Variants in PRKN observed in about 807,000 individuals in gnomAD.
PRKN encodes parkin RBR E3 ubiquitin protein ligase.
PRKN carries 56 observed loss-of-function variants against 59.5 expected under a neutral mutation model. The observed-to-expected ratio is 0.94, with a 90% CI of 0.76 to 1.18. The LOEUF (loss-of-function observed/expected upper bound fraction) is 1.18, where lower values mean the gene tolerates loss of function less well. PRKN is among the 50% of genes most tolerant of loss of function. PRKN has a pLI of 0.00. For missense variants in PRKN, 657 were observed against 596.4 expected (o/e 1.10, Z -1.06); for synonymous variants, 250 against 222.1 (o/e 1.13, Z -1.12).
intron 2 of PRKN, among the ~76,000 whole-genome samples, chr6:162,345,433 T>C (rs556492063): frequency 2.0e-4 from 31 of 152,182 alleles, no homozygotes; most frequent in Non-Finnish European, 4.1e-4. Context: ...TGATTGCATA[T>C]TGTGGTGACT....
chr6:161,758,283 T>C (rs1006264879), intron 7 of PRKN, among the ~76,000 whole-genome samples: 2 of 152,108 alleles, frequency 1.3e-5, no homozygotes, highest in African/African-American at 2.4e-5. Flanking sequence ...TAAAATTTCA[T>C]AGATGCTTGT....
At chr6:162,460,371 G>A (rs1791094905) in intron 1 of PRKN, among the ~76,000 whole-genome samples, 1 of 152,160 alleles carries the variant, frequency 6.6e-6, no homozygotes, top group Non-Finnish European at 1.5e-5. Context: ...GACAGTGTTT[G>A]GGGAGAAACA....
chr6:162,632,834 T>C (rs560406731), intron 1 of PRKN, among the ~76,000 whole-genome samples: 2 of 152,232 alleles, frequency 1.3e-5, no homozygotes, highest in African/African-American at 2.4e-5. Context: ...CAAATGTAAT[T>C]GGTAATTCTA....
intron 2 of PRKN, among the ~76,000 whole-genome samples, chr6:162,362,555 T>C (rs1315399979): frequency 6.6e-6 from 1 of 152,116 alleles, no homozygotes; most frequent in Admixed American, 6.6e-5. Context: ...CTACTGAAAA[T>C]TACACCTGTT....
Position 161,352,324 on chromosome 6 carries a change from CCT to C in PRKN, c.1286-2115_1286-2114del, listed in dbSNP as rs1784580750. Among the ~76,000 whole-genome samples the C allele has an allele frequency of 1.3e-5, 2 of 152,240 alleles. No homozygotes were observed. Among genetic ancestry groups the C allele is most frequent in the African/African-American group, 4.8e-5 (2 of 41,542 alleles). ...GATAACTTGCCGACATGCAAAATCT[CCT>C]GTTTTCCTAATCCTTTCTGGCTTGT... On this transcript the variant is annotated intron_variant, in intron 11 of 11. Coordinates refer to ENST00000366898, the MANE Select transcript of PRKN (RefSeq NM_004562.3). The surrounding 1 kb of genome is among the most constrained non-coding windows in gnomAD (Gnocchi z 5.8).
intron 9 of PRKN, among the ~76,000 whole-genome samples, chr6:161,492,219 A>G (rs16892622): frequency 0.025 from 3,860 of 152,306 alleles, 158 homozygotes; most frequent in African/African-American, 0.088. Flanking sequence ...TACTCTCCTC[A>G]GTAACTTTGC....
At chr6:161,676,375 T>C (rs77805519) in intron 7 of PRKN, among the ~76,000 whole-genome samples, 1,663 of 152,330 alleles carry the variant, frequency 0.011, 36 homozygotes, top group African/African-American at 0.038. Flanking sequence ...AGCCCAGCCA[T>C]TTCCTAGCCA....
chr6:161,381,438 A>G (rs1785980885), intron 10 of PRKN, among the ~76,000 whole-genome samples: 1 of 152,218 alleles, frequency 6.6e-6, no homozygotes, highest in Non-Finnish European at 1.5e-5. Flanking sequence ...AACTTGAGAT[A>G]AGCCTCAGAA....
At chr6:162,203,941 A>G (rs767063003) in intron 3 of PRKN, among the ~76,000 whole-genome samples, 15 of 152,132 alleles carry the variant, frequency 9.9e-5, no homozygotes, top group Non-Finnish European at 2.1e-4. Context: ...CACATCCTTC[A>G]TTGTAATTCA....
At chr6:162,393,731 T>C (rs1787337945) in intron 2 of PRKN, among the ~76,000 whole-genome samples, 1 of 152,234 alleles carries the variant, frequency 6.6e-6, no homozygotes, top group Non-Finnish European at 1.5e-5. Flanking sequence ...TATTTTTGGA[T>C]ATACATTACT....
intron 2 of PRKN, among the ~76,000 whole-genome samples, chr6:162,375,406 T>G (rs79015798): frequency 1.4e-5 from 2 of 139,218 alleles, no homozygotes; most frequent in African/African-American, 5.5e-5. Context: ...TCAACTCCTG[T>G]TTTTTTTTTT....
intron 2 of PRKN, among the ~76,000 whole-genome samples, chr6:162,384,978 CTA>C (rs1296554222): frequency 7.2e-5 from 11 of 152,054 alleles, no homozygotes; most frequent in Non-Finnish European, 1.6e-4. Context: ...ATGAAGGGGC[CTA>C]TGTTTATATC....
At chr6:162,040,580 T>A (rs1784030451) in intron 5 of PRKN, among the ~76,000 whole-genome samples, 1 of 149,440 alleles carries the variant, frequency 6.7e-6, no homozygotes, top group Admixed American at 6.7e-5. Flanking sequence ...CTATTTTTTT[T>A]TTTTTTTTTT....
At chr6:162,258,870 A>G (rs1466750591) in intron 3 of PRKN, among the ~76,000 whole-genome samples, 1 of 152,120 alleles carries the variant, frequency 6.6e-6, no homozygotes, top group Admixed American at 6.5e-5. Flanking sequence ...CTGGTTCTTC[A>G]TGTACATCAT....
intron 9 of PRKN, among the ~76,000 whole-genome samples, chr6:161,452,184 T>A (rs1223433359): frequency 1.4e-5 from 2 of 146,886 alleles, no homozygotes; most frequent in Non-Finnish European, 3.0e-5. Flanking sequence ...GAAGTCCTGA[T>A]CTCAAGTGAT....
At chr6:161,668,344 C>G (rs1209109019) in intron 7 of PRKN, among the ~76,000 whole-genome samples, 2 of 149,842 alleles carry the variant, frequency 1.3e-5, no homozygotes, top group Non-Finnish European at 3.0e-5. Context: ...AAACTGGGTA[C>G]AGATCTCATT....
At chr6:161,513,056 G>C (rs979425415) in intron 9 of PRKN, among the ~76,000 whole-genome samples, 40 of 152,160 alleles carry the variant, frequency 2.6e-4, no homozygotes, top group African/African-American at 9.7e-4. Flanking sequence ...CGATTTCTCA[G>C]GTCAGGACCA....
chr6:162,635,737 A>G lies in PRKN; in HGVS notation c.7+91925T>C, dbSNP rs1356265324. On this transcript the variant is annotated intron_variant, in intron 1 of 11. Transcript: ENST00000366898. ...ATAAAAAACAGTTCCAAGGAAAACA[A>G]TTTGGTGATGATTAACAGCCTCTGA... Among the ~76,000 whole-genome samples the G allele has an allele frequency of 2.6e-5, 4 of 152,166 alleles. No individual in the cohort carries two copies. The East Asian group carries it at 5.8e-4, about 22-fold the overall frequency.
Position 162,049,895 on chromosome 6 carries a change from T to A in PRKN, c.618+4196A>T, listed in dbSNP as rs74380775. 5.7e-3 allele frequency among the ~76,000 whole-genome samples: 864 copies of A among 152,292 alleles called. 7 individuals are homozygous for A. Among genetic ancestry groups the A allele is most frequent in the African/African-American group, 0.02 (813 of 41,566 alleles). On this transcript the variant is annotated intron_variant, in intron 5 of 11. Coordinates refer to ENST00000366898, the MANE Select transcript of PRKN (RefSeq NM_004562.3). ...GGACGCGTCCTTCCTAAGCTTGTAC[T>A]GCAGGAGCCCTCAACTCCACAGAGA...
Sources: gnomAD v4.1 joint callset for allele counts (sites outside exome capture counted in the v4.1 genomes callset) on GRCh38, gnomAD v4.1.1 for gene constraint, Gnocchi (gnomAD v3.1) non-coding constraint, MANE v1.5 for transcripts, NCBI Gene and HGNC (gene_info 2026-07-23, HGNC 2026-07-21) for gene names.